The following TMPRSS2 variants were observed in gnomAD, a reference collection of about 807,000 sequenced individuals.
TMPRSS2 encodes transmembrane serine protease 2.
Under a neutral mutation model 67.4 loss-of-function variants are expected in TMPRSS2, and 59 were observed. The ratio of observed to expected loss-of-function variants is 0.88; its 90% CI spans 0.71 to 1.09. The LOEUF (loss-of-function observed/expected upper bound fraction) is 1.09, where lower values mean the gene tolerates loss of function less well. Among genes scored for constraint, TMPRSS2 ranks in the 50% least tolerant of loss-of-function variants. TMPRSS2 has a pLI of 0.00. For synonymous variants in TMPRSS2, 257 were observed against 257.0 expected, an observed-to-expected ratio of 1.00 and a Z score of 0.00; for missense variants, 668 against 642.7, an observed-to-expected ratio of 1.04 and a Z score of -0.43.
intron 10 of TMPRSS2, 138 bp downstream of exon 10, chr21:41,471,668 C>A (rs1216754334): frequency 3.1e-6 from 3 of 952,430 alleles, no homozygotes; most frequent in African/African-American, 1.6e-5. Context: ...GTGAGCCTCT[C>A]CCATTGGCCA....
intron 1 of TMPRSS2, among the ~76,000 whole-genome samples, chr21:41,507,232 CA>C (rs1333482206): frequency 1.3e-5 from 2 of 152,232 alleles, no homozygotes; most frequent in Non-Finnish European, 2.9e-5. Flanking sequence ...AGCACTTGAC[CA>C]CTCAGGGTGC....
chr21:41,501,824 A>C (rs189431131), intron 1 of TMPRSS2, among the ~76,000 whole-genome samples: 48 of 152,306 alleles, frequency 3.2e-4, no homozygotes, highest in African/African-American at 1.1e-3. Flanking sequence ...CTCATTTCTG[A>C]AAGGAGCAAG....
chr21:41,466,625 C>T (rs531920590), intron 13 of TMPRSS2, among the ~76,000 whole-genome samples: 37 of 152,276 alleles, frequency 2.4e-4, no homozygotes, highest in Admixed American at 1.9e-3. Context: ...GGCCAGGTGA[C>T]GCCCCCTGGG....
chr21:41,505,853 T>G (rs946132126), intron 1 of TMPRSS2, among the ~76,000 whole-genome samples: 1 of 152,188 alleles, frequency 6.6e-6, no homozygotes, highest in African/African-American at 2.4e-5. Flanking sequence ...AAGCATCCTG[T>G]GTCTCCAACT....
chr21:41,491,656 C>T (rs2146475679), intron 3 of TMPRSS2, among the ~76,000 whole-genome samples: 1 of 152,334 alleles, frequency 6.6e-6, no homozygotes. Flanking sequence ...TTCCCGAGTG[C>T]CATTTTATCC....
Position 41,465,717 on chromosome 21 carries a change from A to G in TMPRSS2, c.*425T>C. 1 of 264,242 alleles carries G rather than the reference A, an allele frequency of 3.8e-6. No individual in the cohort carries two copies. Among genetic ancestry groups the G allele is most frequent in the Non-Finnish European group, 7.2e-6 (1 of 139,032 alleles). 16.4% of individuals were successfully genotyped at this position (264,242 alleles called of 1,614,324 possible). A position where few individuals can be genotyped will look rare whatever the true frequency, so the allele number is the denominator to read the frequency against. On this transcript the variant is annotated 3_prime_UTR_variant, in exon 14 of 14. Coordinates refer to ENST00000332149, the MANE Select transcript of TMPRSS2 (RefSeq NM_005656.4). ...GCTGGGGACACTACCAAGTGGCCCC[A>G]GAGGGCAGCCGCTGCAGGTGCCACC...
In TMPRSS2 at chr21:41,468,466, A is replaced by G; in HGVS notation, c.1244T>C (p.Val415Ala). 6.2e-7 allele frequency: 1 copy of G among 1,614,160 alleles called. No individual in the cohort carries two copies. Among genetic ancestry groups the G allele is most frequent in the Non-Finnish European group, 8.5e-7 (1 of 1,180,028 alleles). ...IETQRCNSRY[V>A]YDNLITPAMI... is the part of the protein sequence containing the mutation. ...GGCTGGTGTGATCAGGTTGTCATAG[A>G]CATATCTGCTGTTGCATCTCTGTGT... The change falls in exon 12 of 14, where the codon GTC becomes GCC. Residue 415 changes from valine (V) to alanine (A), a missense_variant. Transcript: ENST00000332149.
chr21:41,490,455 T>C (rs1000802839), intron 3 of TMPRSS2, among the ~76,000 whole-genome samples: 8 of 152,246 alleles, frequency 5.3e-5, no homozygotes, highest in South Asian at 2.1e-4. Flanking sequence ...TCAGTCATCA[T>C]ATGTGGCTGG....
In TMPRSS2 at chr21:41,464,648, TG is replaced by T; in HGVS notation, c.*1493del. ...AAAGATACAAAAAAAGACAAACAGT[TG>T]TTCACATAAATAAGAAGGGGCAATA... On this transcript the variant is annotated 3_prime_UTR_variant, in exon 14 of 14. Coordinates refer to ENST00000332149, the MANE Select transcript of TMPRSS2 (RefSeq NM_005656.4). The T allele has an allele frequency of 4.3e-6, 1 of 233,184 alleles. No homozygotes were observed. Among genetic ancestry groups the T allele is most frequent in the Non-Finnish European group, 8.5e-6 (1 of 117,966 alleles). 14.4% of individuals were successfully genotyped at this position (233,184 alleles called of 1,614,324 possible).
chr21:41,493,980 G>T (rs1195595128), intron 3 of TMPRSS2, among the ~76,000 whole-genome samples: 1 of 152,190 alleles, frequency 6.6e-6, no homozygotes, highest in African/African-American at 2.4e-5. Flanking sequence ...TATGACAAAG[G>T]TAAGATAGTT....
At chr21:41,507,309 C>A (rs138498737) in intron 1 of TMPRSS2, among the ~76,000 whole-genome samples, 2,185 of 152,300 alleles carry the variant, frequency 0.014, 27 homozygotes, top group Middle Eastern at 0.044. Context: ...CGCCTTCCCC[C>A]CAACCCGGCA....
chr21:41,492,962 A>C (rs2091349649), intron 3 of TMPRSS2, among the ~76,000 whole-genome samples: 1 of 152,188 alleles, frequency 6.6e-6, no homozygotes, highest in South Asian at 2.1e-4. Flanking sequence ...AAAGATCAGG[A>C]GTTCCCAACC....
intron 11 of TMPRSS2, among the ~76,000 whole-genome samples, chr21:41,469,801 C>T (rs111870749): frequency 1.1e-4 from 17 of 152,184 alleles, no homozygotes; most frequent in African/African-American, 4.1e-4. Context: ...ATTTGTCTTA[C>T]TCTGTTCACT....
In TMPRSS2 at chr21:41,473,619, G is replaced by A. The variant is rs998958598; in HGVS notation, c.728-123C>T. The A allele has an allele frequency of 5.3e-6, 6 of 1,138,954 alleles. No individual in the cohort carries two copies. The Admixed American group carries it at 7.5e-5, about 14-fold the overall frequency. The allele number at this position is 1,138,954 out of a possible 1,614,324, so 70.6% of individuals were successfully genotyped here. A position where few individuals can be genotyped will look rare whatever the true frequency, so the allele number is the denominator to read the frequency against. On this transcript the variant is annotated intron_variant, in intron 8 of 13. Transcript: ENST00000332149. ...ACAGGGCAGGGGCACCACTGCTGGG[G>A]ATGGACTTAGGGGGCTCCTGGGGGT... is the stretch of plus-strand genomic sequence containing the variant.
At chr21:41,471,599 A>G (rs755148538) in intron 10 of TMPRSS2, among the ~76,000 whole-genome samples, 1 of 152,182 alleles carries the variant, frequency 6.6e-6, no homozygotes, top group Non-Finnish European at 1.5e-5. Context: ...TCAGTACAGT[A>G]CAGAACAGAT....
At chr21:41,476,743 T>A in intron 7 of TMPRSS2, 123 bp from the exon 8 acceptor site, 1 of 876,164 alleles carries the variant, frequency 1.1e-6, no homozygotes, top group Admixed American at 1.8e-5. Flanking sequence ...TAGAAGGGTC[T>A]GCTAGTTACA....
chr21:41,473,545 C>T, intron 8 of TMPRSS2, 49 bp from the exon 9 acceptor site: 2 of 1,541,756 alleles, frequency 1.3e-6, no homozygotes, highest in Non-Finnish European at 1.8e-6. Flanking sequence ...GCAGAAGCCG[C>T]CCAGCCACCC....
chr21:41,480,327 C>T, intron 6 of TMPRSS2, 149 bp downstream of exon 6: 2 of 1,338,002 alleles, frequency 1.5e-6, no homozygotes, highest in Non-Finnish European at 2.0e-6. Flanking sequence ...GGACAAATTC[C>T]ACCTGCTGGT....
intron 3 of TMPRSS2, among the ~76,000 whole-genome samples, chr21:41,491,481 C>T (rs1230508663): frequency 6.6e-6 from 1 of 152,170 alleles, no homozygotes; most frequent in Non-Finnish European, 1.5e-5. Flanking sequence ...ACAGATGAGG[C>T]CAGCACCACT....
Sources: gnomAD v4.1 joint callset for allele counts (sites outside exome capture counted in the v4.1 genomes callset) on GRCh38, gnomAD v4.1.1 for gene constraint, MANE v1.5 for transcripts, NCBI Gene and HGNC (gene_info 2026-07-23, HGNC 2026-07-21) for gene names.